Variants in CWF19L2 observed in about 807,000 individuals in gnomAD.
CWF19L2 encodes CWF19-like protein 2.
In CWF19L2, 98 loss-of-function variants were observed where a neutral mutation model predicts 111.7. The ratio of observed to expected loss-of-function variants is 0.88; its 90% CI spans 0.75 to 1.04. CWF19L2 has a LOEUF of 1.04. CWF19L2 is among the 50% of genes least tolerant of loss of function. The pLI is 0.00. For synonymous variants in CWF19L2, 351 were observed against 342.9 expected, an observed-to-expected ratio of 1.02 and a Z score of -0.26; for missense variants, 1,101 against 1,051.4, an observed-to-expected ratio of 1.05 and a Z score of -0.65.
In CWF19L2 at chr11:107,390,123, A is replaced by G; in HGVS notation, c.1823T>C (p.Met608Thr). The change falls in exon 12 of 18, where the codon ATG (methionine) becomes ACG (threonine). Residue 608 changes from methionine (M) to threonine (T), a missense_variant. Physicochemically the swap from Met to Thr is moderately conservative, Grantham distance 81. Transcript: ENST00000282251. ...SLNDLVKNEK[M>T]GTAENQNKLF... Reference sequence around the variant, plus strand: ...CTTGTTTTGATTTTCTGCTGTTCCCATCTTTTCATTTTTGACTAAATCATT... The same window carrying G: ...CTTGTTTTGATTTTCTGCTGTTCCCGTCTTTTCATTTTTGACTAAATCATT... 1 of 1,612,874 alleles carries G rather than the reference A, an allele frequency of 6.2e-7. No individual in the cohort carries two copies. Among genetic ancestry groups the G allele is most frequent in the African/African-American group, 1.3e-5 (1 of 75,010 alleles).
rs145240771 is a variant in CWF19L2, at chr11:107,351,356, C to T, written c.2085+2168G>A. Among the ~76,000 whole-genome samples the T allele has an allele frequency of 2.0e-5, 3 of 152,004 alleles. No homozygotes were observed. In the East Asian group the frequency reaches 5.8e-4, roughly 29 times the overall value. On this transcript the variant is annotated intron_variant, in intron 13 of 17. Transcript: ENST00000282251. ...AACTGGAGGATGAAAGTGACATTTA[C>T]TAAAAAGAGGAAGACTATGGGAGGG...
intron 14 of CWF19L2, among the ~76,000 whole-genome samples, chr11:107,344,086 G>A (rs191431073): frequency 2.1e-4 from 32 of 152,258 alleles, no homozygotes; most frequent in Admixed American, 3.9e-4. Context: ...GGTGGTGCAT[G>A]CCTGTAGTGC....
chr11:107,425,171 CTCTT>C lies in CWF19L2; in HGVS notation c.1433+3624_1433+3627del, dbSNP rs988050989. Reference sequence around the variant, plus strand: ...TCCTATTTTCACATTAAAATGTACTCTCTTTGAAACACACACACACACACACACA... The same window carrying C: ...TCCTATTTTCACATTAAAATGTACTCTGAAACACACACACACACACACACA... On this transcript the variant is annotated intron_variant, in intron 8 of 17. Transcript: ENST00000282251. 2.9e-5 allele frequency among the ~76,000 whole-genome samples: 4 copies of C among 138,134 alleles called. No individual in the cohort carries two copies. The Admixed American group carries it at 3.0e-4, about 10-fold the overall frequency. The allele number at this position is 138,134 out of a possible 152,430, so 90.6% of individuals were successfully genotyped here.
At chr11:107,354,153 A>G (rs1223049719) in intron 12 of CWF19L2, among the ~76,000 whole-genome samples, 4 of 152,014 alleles carry the variant, frequency 2.6e-5, no homozygotes, top group African/African-American at 9.7e-5. Context: ...ATCTCTCCCA[A>G]CATGAACTAT....
At chr11:107,442,807 G>GGAGGGGGAGGGAGGGAGA (rs1861646586) in intron 4 of CWF19L2, 132 bp downstream of exon 4, 6 of 397,000 alleles carry the variant, frequency 1.5e-5, no homozygotes, top group Admixed American at 1.2e-4. Context: ...AGGGAGGGAG[G>GGAGGGGGAGGGAGGGAGA]GAGGGAGGGA....
In CWF19L2 at chr11:107,418,364, T is replaced by C. The variant is rs761831481; in HGVS notation, c.1434-77A>G. On this transcript the variant is annotated intron_variant, in intron 8 of 17. Transcript: ENST00000282251. ...CAATAACATCAAGACTCAAATGTTA[T>C]TTTAACTGACCTCAACAAAGCATTC... 342 of 907,594 alleles carry C rather than the reference T, an allele frequency of 3.8e-4. 1 individual carries two copies. Among genetic ancestry groups the C allele is most frequent in the Non-Finnish European group, 5.6e-4 (301 of 541,104 alleles). 56.2% of individuals were successfully genotyped at this position (907,594 alleles called of 1,614,324 possible). A position where few individuals can be genotyped will look rare whatever the true frequency, so the allele number is the denominator to read the frequency against.
intron 3 of CWF19L2, among the ~76,000 whole-genome samples, chr11:107,452,976 C>CT (rs1861799026): frequency 6.6e-6 from 1 of 151,858 alleles, no homozygotes; most frequent in African/African-American, 2.4e-5. Flanking sequence ...GGCTCCATCT[C>CT]TAAAAACAAA....
intron 12 of CWF19L2, among the ~76,000 whole-genome samples, chr11:107,359,594 C>T (rs748770600): frequency 1.7e-4 from 26 of 152,082 alleles, no homozygotes; most frequent in African/African-American, 5.8e-4. Context: ...TAGACTCTAC[C>T]GGTCTAGAGG....
At chr11:107,405,643 C>G (rs929125543) in intron 10 of CWF19L2, among the ~76,000 whole-genome samples, 17 of 151,884 alleles carry the variant, frequency 1.1e-4, no homozygotes, top group African/African-American at 3.4e-4. Context: ...ACATTGACCT[C>G]GAGAAGAGTA....
intron 8 of CWF19L2, among the ~76,000 whole-genome samples, chr11:107,424,166 T>G (rs1337552098): frequency 2.0e-5 from 3 of 148,328 alleles, no homozygotes; most frequent in African/African-American, 7.5e-5. Context: ...ACCCACAATC[T>G]GTAGCCACAT....
chr11:107,433,638 T>C lies in CWF19L2; in HGVS notation c.776A>G (p.Tyr259Cys), dbSNP rs202207554. The change falls in exon 7 of 18, where the codon TAT (tyrosine) becomes TGT (cysteine). Residue 259 changes from tyrosine to cysteine, a missense_variant. Physicochemically the swap from Tyr to Cys is radical, Grantham distance 194. Coordinates refer to ENST00000282251, the MANE Select transcript of CWF19L2 (RefSeq NM_152434.3). The part of the protein sequence containing the change: ...RNFEDIVAER[Y>C]GSMEIFQSKL... ...CTCCTTAAAACAGATACTCACCCCA[T>C]ATCTTTCGGCTACAATGTCCTCAAA... 38 of 1,521,872 alleles carry C rather than the reference T, an allele frequency of 2.5e-5. No homozygotes were observed. Among genetic ancestry groups the C allele is most frequent in the Non-Finnish European group, 3.4e-5 (38 of 1,119,266 alleles). 94.3% of individuals were successfully genotyped at this position (1,521,872 alleles called of 1,614,324 possible).
chr11:107,433,263 T>C (rs1338011570), intron 7 of CWF19L2, among the ~76,000 whole-genome samples: 1 of 151,702 alleles, frequency 6.6e-6, no homozygotes, highest in African/African-American at 2.4e-5. Context: ...ATACACTCTT[T>C]TAAAAAAATC....
rs1861419431 is a variant in CWF19L2 at position 107,428,914 on chromosome 11, T to A, written c.1318A>T (p.Thr440Ser). The A allele has an allele frequency of 1.2e-6, 2 of 1,613,724 alleles. No individual in the cohort carries two copies. The highest frequency in any genetic ancestry group is 1.7e-6 in the Non-Finnish European group (2 of 1,179,722). ...HSNQKPSETSTDEHQHVPEDP... is the reference protein window; with the variant it reads ...HSNQKPSETSSDEHQHVPEDP... ...TCTGGAACATGTTGGTGTTCATCAG[T>A]ACTGGTTTCCGATGGCTTTTGATTT... Residue 440 changes from threonine to serine, a missense_variant, in exon 8 of 18, where the codon ACT becomes TCT. Thr to Ser is a moderately conservative substitution (Grantham distance 58, BLOSUM62 1). Transcript: ENST00000282251.
At chr11:107,334,156 C>T (rs1010394614) in intron 16 of CWF19L2, among the ~76,000 whole-genome samples, 2 of 152,180 alleles carry the variant, frequency 1.3e-5, no homozygotes, top group Non-Finnish European at 2.9e-5. Context: ...GCATCTTGAA[C>T]AATGCCTGGT....
At chr11:107,408,786 A>G (rs1861117235) in intron 10 of CWF19L2, among the ~76,000 whole-genome samples, 1 of 152,002 alleles carries the variant, frequency 6.6e-6, no homozygotes, top group South Asian at 2.1e-4. Context: ...ATATTTTTGC[A>G]TACCTACTCT....
At chr11:107,415,252 T>G (rs1407316340) in intron 10 of CWF19L2, among the ~76,000 whole-genome samples, 2 of 152,182 alleles carry the variant, frequency 1.3e-5, no homozygotes, top group African/African-American at 4.8e-5. Context: ...TTCACTCAAA[T>G]ACACAGAAAT....
chr11:107,359,464 C>T (rs1405315426), intron 12 of CWF19L2, among the ~76,000 whole-genome samples: 1 of 152,098 alleles, frequency 6.6e-6, no homozygotes, highest in African/African-American at 2.4e-5. Flanking sequence ...AAGTCAGCAT[C>T]CAAACAATGA....
chr11:107,428,673 C>A (rs1289383702), intron 8 of CWF19L2, 126 bp downstream of exon 8: 4 of 751,382 alleles, frequency 5.3e-6, no homozygotes, highest in Non-Finnish European at 6.5e-6. Flanking sequence ...GCATATCTTA[C>A]CCCTTCTATC....
At chr11:107,405,759 T>C (rs1471348872) in intron 10 of CWF19L2, among the ~76,000 whole-genome samples, 4 of 151,656 alleles carry the variant, frequency 2.6e-5, no homozygotes, top group Non-Finnish European at 5.9e-5. Flanking sequence ...TAATCAGACC[T>C]TCCTTGCTGA....
Sources: gnomAD v4.1 joint callset for allele counts (sites outside exome capture counted in the v4.1 genomes callset) on GRCh38, gnomAD v4.1.1 for gene constraint, MANE v1.5 for transcripts, NCBI Gene and HGNC (gene_info 2026-07-23, HGNC 2026-07-21) for gene names.